SLC14A2: variants seen among roughly 807,000 people sequenced by gnomAD.
The protein encoded by SLC14A2 is urea transporter 2.
Under a neutral mutation model 104.6 loss-of-function variants are expected in SLC14A2, and 91 were observed. The ratio of observed to expected loss-of-function variants is 0.87; its 90% CI spans 0.73 to 1.04. SLC14A2 has a LOEUF of 1.04. Ranked by LOEUF, SLC14A2 falls within the 50% of genes least tolerant of loss-of-function variation. The pLI is 0.00. For synonymous variants in SLC14A2, 476 were observed against 466.4 expected, an observed-to-expected ratio of 1.02 and a Z score of -0.27; for missense variants, 1,189 against 1,156.0, an observed-to-expected ratio of 1.03 and a Z score of -0.41.
At chr18:45,174,685 C>T in the SLC14A2 span, among the ~76,000 whole-genome samples, 1 of 152,002 alleles carries the variant, frequency 6.6e-6, no homozygotes, top group Non-Finnish European at 1.5e-5. Context: ...GGGTCTTGAC[C>T]AAAAACACAA....
chr18:45,363,892 G>A (rs1277332368), intron 1 of SLC14A2, among the ~76,000 whole-genome samples: 6 of 152,094 alleles, frequency 3.9e-5, no homozygotes, highest in Non-Finnish European at 5.9e-5. Context: ...GGTGAGGCTC[G>A]GAGGAGGAAT....
chr18:45,443,789 C>A (rs1282654382), intron 1 of SLC14A2, among the ~76,000 whole-genome samples: 2 of 152,146 alleles, frequency 1.3e-5, no homozygotes, highest in East Asian at 3.9e-4. Context: ...TGAGACCCTA[C>A]ATCAGTCACT....
At chr18:45,319,328 C>T (rs1164264666) in intron 1 of SLC14A2, among the ~76,000 whole-genome samples, 1 of 152,254 alleles carries the variant, frequency 6.6e-6, no homozygotes, top group Non-Finnish European at 1.5e-5. Flanking sequence ...CTCTTAAAGG[C>T]AACATTGGTT....
intron 1 of SLC14A2, among the ~76,000 whole-genome samples, chr18:45,413,665 T>C (rs924608512): frequency 6.6e-6 from 1 of 152,166 alleles, no homozygotes; most frequent in African/African-American, 2.4e-5. Context: ...GCTCCAGCAT[T>C]GTTGTTTGGC....
At chr18:45,634,788 T>G (rs2045393051) in intron 5 of SLC14A2, 2 of 456,654 alleles carry the variant, frequency 4.4e-6, no homozygotes, top group Middle Eastern at 3.2e-4. Context: ...TGATGGGATA[T>G]GGTTTAAATC....
intron 2 of SLC14A2, chr18:45,515,539 C>T (rs1276386754): frequency 6.6e-6 from 1 of 152,210 alleles, no homozygotes; most frequent in Non-Finnish European, 1.5e-5. Flanking sequence ...AAGAAGAGAT[C>T]AGCACGTGGG....
At chr18:45,235,070 C>A (rs930426519) in intron 1 of SLC14A2, among the ~76,000 whole-genome samples, 18 of 152,116 alleles carry the variant, frequency 1.2e-4, no homozygotes, top group Middle Eastern at 3.2e-3. Flanking sequence ...ATCTTCAAAT[C>A]TGCCTCTTTT....
intron 1 of SLC14A2, among the ~76,000 whole-genome samples, chr18:45,472,133 T>C (rs1307001680): frequency 6.6e-6 from 1 of 152,160 alleles, no homozygotes; most frequent in African/African-American, 2.4e-5. Flanking sequence ...CAGTGTTTGG[T>C]TTACAGTTCC....
chr18:45,597,835 A>C (rs891435054), intron 2 of SLC14A2, among the ~76,000 whole-genome samples: 4 of 152,200 alleles, frequency 2.6e-5, no homozygotes, highest in African/African-American at 9.7e-5. Context: ...ACTTAGCAGT[A>C]AAGATGATGA....
At chr18:45,296,161 A>G (rs993624959) in intron 1 of SLC14A2, among the ~76,000 whole-genome samples, 6 of 152,170 alleles carry the variant, frequency 3.9e-5, no homozygotes, top group African/African-American at 1.2e-4. Flanking sequence ...ATAACCACCC[A>G]TAATGTTCAA....
chr18:45,566,168 G>A (rs1234046799), intron 2 of SLC14A2, among the ~76,000 whole-genome samples: 1 of 152,064 alleles, frequency 6.6e-6, no homozygotes, highest in Non-Finnish European at 1.5e-5. Flanking sequence ...TTCCCTCCCT[G>A]GGCTAGGCGT....
chr18:45,287,473 G>T (rs1356306696), intron 1 of SLC14A2, among the ~76,000 whole-genome samples: 2 of 152,232 alleles, frequency 1.3e-5, no homozygotes, highest in Non-Finnish European at 2.9e-5. Context: ...CCCACAGCAA[G>T]CGGGTGAATT....
At chr18:45,225,708 C>A (rs1428138373) in intron 1 of SLC14A2, among the ~76,000 whole-genome samples, 1 of 152,146 alleles carries the variant, frequency 6.6e-6, no homozygotes, top group Non-Finnish European at 1.5e-5. Context: ...CCTTCACATC[C>A]CTTGTAAGTT....
chr18:45,279,992 C>T (rs938136170), intron 1 of SLC14A2, among the ~76,000 whole-genome samples: 1 of 152,178 alleles, frequency 6.6e-6, no homozygotes, highest in African/African-American at 2.4e-5. Context: ...ACACCCCCAC[C>T]CCTGTGGTTG....
intron 2 of SLC14A2, among the ~76,000 whole-genome samples, chr18:45,579,827 G>T (rs1289365972): frequency 4.6e-5 from 7 of 152,204 alleles, no homozygotes; most frequent in Admixed American, 2.0e-4. Flanking sequence ...TTTACTTGGG[G>T]GTGTTGGGAA....
At chr18:45,397,175 TA>T in intron 1 of SLC14A2, among the ~76,000 whole-genome samples, 1 of 152,268 alleles carries the variant, frequency 6.6e-6, no homozygotes, top group African/African-American at 2.4e-5. Context: ...CTCTGATATA[TA>T]CCCAGTAGTG....
At chr18:45,179,961 C>A in the SLC14A2 span, 1 of 152,022 alleles carries the variant, frequency 6.6e-6, no homozygotes, top group Non-Finnish European at 1.5e-5. Flanking sequence ...GCCTGGACAT[C>A]CTAGTGAGAC....
rs555735221 is a variant in SLC14A2 at position 45,427,079 on chromosome 18, C to T, written c.-124-56154C>T. 1.2e-4 allele frequency among the ~76,000 whole-genome samples: 19 copies of T among 152,188 alleles called. No individual in the cohort carries two copies. In the East Asian group the frequency reaches 1.5e-3, roughly 12 times the overall value. ...CCAGTTAACAGTGACCCAGTCATTC[C>T]GACATACCTGCTGAGGAACATAAGT... On this transcript the variant is annotated intron_variant, in intron 1 of 20. Coordinates refer to the SLC14A2 transcript ENST00000586448.
intron 1 of SLC14A2, among the ~76,000 whole-genome samples, chr18:45,271,950 C>G (rs947543816): frequency 2.0e-5 from 3 of 151,982 alleles, no homozygotes; most frequent in African/African-American, 4.8e-5. Context: ...TAAAAATAGG[C>G]ACATAAACTA....
Sources: gnomAD v4.1 joint callset for allele counts (sites outside exome capture counted in the v4.1 genomes callset) on GRCh38, gnomAD v4.1.1 for gene constraint, MANE v1.5 for transcripts, NCBI Gene and HGNC (gene_info 2026-07-23, HGNC 2026-07-21) for gene names.